Variants in TMEM51 observed in about 807,000 individuals in gnomAD.
TMEM51 encodes transmembrane protein 51, also known as chromosome 1 open reading frame 72.
Under a neutral mutation model 13.6 loss-of-function variants are expected in TMEM51, and 8 were observed. The ratio of observed to expected loss-of-function variants is 0.59; its 90% CI spans 0.35 to 1.07. The LOEUF (loss-of-function observed/expected upper bound fraction) is 1.07, where lower values mean the gene tolerates loss of function less well. Ranked by LOEUF, TMEM51 falls within the 50% of genes least tolerant of loss-of-function variation. TMEM51 has a pLI of 0.02. For synonymous variants in TMEM51, 147 were observed against 144.4 expected (o/e 1.02, Z -0.13); for missense variants, 279 against 330.7 (o/e 0.84, Z 1.21).
intron 1 of TMEM51, among the ~76,000 whole-genome samples, chr1:15,154,983 G>T (rs1642539781): frequency 6.6e-6 from 1 of 152,186 alleles, no homozygotes; most frequent in African/African-American, 2.4e-5. Context: ...CCGGCTTCTG[G>T]CTTTCCTTTT....
At chr1:15,177,314 G>A (rs1321395248) in intron 1 of TMEM51, among the ~76,000 whole-genome samples, 1 of 152,218 alleles carries the variant, frequency 6.6e-6, no homozygotes, top group Non-Finnish European at 1.5e-5. Flanking sequence ...ACCAGAGAGT[G>A]TGTGTATGTT....
chr1:15,202,307 T>C (rs1300378752), intron 1 of TMEM51, among the ~76,000 whole-genome samples: 2 of 152,192 alleles, frequency 1.3e-5, no homozygotes, highest in Admixed American at 6.5e-5. Flanking sequence ...AGGTAAACAG[T>C]CTGTGCTGGC....
At chr1:15,170,035 G>A (rs1019817993) in intron 1 of TMEM51, among the ~76,000 whole-genome samples, 1 of 152,176 alleles carries the variant, frequency 6.6e-6, no homozygotes. Context: ...GGGTGACCTT[G>A]AGCCATGGCT....
At chr1:15,196,634 A>G (rs2100295120) in intron 1 of TMEM51, among the ~76,000 whole-genome samples, 1 of 152,336 alleles carries the variant, frequency 6.6e-6, no homozygotes, top group Non-Finnish European at 1.5e-5. Context: ...CATTACAGGC[A>G]TGAACTATTG....
At chr1:15,164,918 T>C (rs1398700940) in intron 1 of TMEM51, among the ~76,000 whole-genome samples, 2 of 150,038 alleles carry the variant, frequency 1.3e-5, no homozygotes, top group Non-Finnish European at 3.0e-5. Context: ...TTCTTCTGCC[T>C]CAGCCTCCCG....
chr1:15,219,732 C>T lies in TMEM51; in HGVS notation c.751C>T (p.Pro251Ser). 1 of 1,612,880 alleles carries T rather than the reference C, an allele frequency of 6.2e-7. No individual in the cohort carries two copies. The change falls in exon 4 of 4, where the codon CCG becomes TCG. Residue 251 changes from proline to serine, a missense_variant. Transcript: ENST00000376008. ...EVQEKAPDTR[P>S]PD is the part of the protein sequence containing the mutation. ...CCAGGAGAAGGCCCCCGACACCCGG[C>T]CGCCCGACTGAATGGCCCCACTTGA...
intron 1 of TMEM51, among the ~76,000 whole-genome samples, chr1:15,187,904 A>C (rs986792416): frequency 6.6e-6 from 1 of 152,010 alleles, no homozygotes; most frequent in Non-Finnish European, 1.5e-5. Context: ...CTGAGCCCCC[A>C]CTTTGCAGCT....
intron 1 of TMEM51, among the ~76,000 whole-genome samples, chr1:15,184,316 C>T (rs112785333): frequency 1.3e-5 from 2 of 152,298 alleles, no homozygotes; most frequent in South Asian, 2.1e-4. Context: ...TGAACCACCA[C>T]GCCTGGCCTT....
chr1:15,219,699 G>A lies in TMEM51; in HGVS notation c.718G>A (p.Asp240Asn). ...IEPLTPPPQYDEVQEKAPDTR... is the reference protein window; with the variant it reads ...IEPLTPPPQYNEVQEKAPDTR... ...GCCTTTGACTCCTCCACCGCAGTAT[G>A]ATGAAGTCCAGGAGAAGGCCCCCGA... The change falls in exon 4 of 4, where the codon GAT becomes AAT. Residue 240 changes from aspartate to asparagine, a missense_variant. Asp to Asn is a conservative substitution (Grantham distance 23, BLOSUM62 1). Coordinates refer to ENST00000376008, the MANE Select transcript of TMEM51 (RefSeq NM_001136218.2). 1 of 1,613,828 alleles carries A rather than the reference G, an allele frequency of 6.2e-7. No homozygotes were observed. Among genetic ancestry groups the A allele is most frequent in the Non-Finnish European group, 8.5e-7 (1 of 1,180,028 alleles).
chr1:15,184,169 G>A (rs1643700738), intron 1 of TMEM51, among the ~76,000 whole-genome samples: 1 of 81,142 alleles, frequency 1.2e-5, no homozygotes, highest in Admixed American at 1.5e-4. Context: ...TCCCGAGTCA[G>A]GCGTGCGCCA....
chr1:15,183,677 T>C (rs1173328924), intron 1 of TMEM51, among the ~76,000 whole-genome samples: 3 of 152,200 alleles, frequency 2.0e-5, no homozygotes, highest in Non-Finnish European at 2.9e-5. Flanking sequence ...TCTGCCTTCA[T>C]AGAGCTTACA....
chr1:15,202,563 C>T (rs1305134675), intron 1 of TMEM51, among the ~76,000 whole-genome samples: 1 of 152,104 alleles, frequency 6.6e-6, no homozygotes, highest in Admixed American at 6.5e-5. Flanking sequence ...CCTGGAGGCA[C>T]CTGCATCCCT....
intron 3 of TMEM51, among the ~76,000 whole-genome samples, chr1:15,218,604 C>T (rs2100368490): frequency 6.6e-6 from 1 of 152,200 alleles, no homozygotes; most frequent in Middle Eastern, 3.4e-3. Flanking sequence ...ACCCTGCTGA[C>T]CAAAACAGGA....
At chr1:15,211,873 A>T (rs1425169830) in intron 2 of TMEM51, among the ~76,000 whole-genome samples, 1 of 136,636 alleles carries the variant, frequency 7.3e-6, no homozygotes, top group East Asian at 2.3e-4. Context: ...ATAAAAATAC[A>T]CTGTCTCTTT....
Position 15,207,944 on chromosome 1 carries a change from A to G in TMEM51, c.-266-2546A>G, listed in dbSNP as rs1644279230. ...TCTCCCCTTCAGGCTTGGACTGGGA[A>G]TTTCCCCTCATTGATATGAGACATT... On this transcript the variant is annotated intron_variant, in intron 1 of 3. Transcript: ENST00000376008. This position sits in a 1 kb window ranked among gnomAD's most constrained non-coding sequence, Gnocchi z 4.6. 1.3e-5 allele frequency among the ~76,000 whole-genome samples: 2 copies of G among 152,296 alleles called. No individual in the cohort carries two copies. Among genetic ancestry groups the G allele is most frequent in the South Asian group, 4.2e-4 (2 of 4,814 alleles).
At chr1:15,203,430 T>A (rs185999244) in intron 1 of TMEM51, among the ~76,000 whole-genome samples, 1 of 99,600 alleles carries the variant, frequency 1.0e-5, no homozygotes, top group Non-Finnish European at 2.0e-5. Flanking sequence ...AATTTTTGTA[T>A]TTTTTTTTTT....
At chr1:15,181,281 GTCATCTGCGAGGTCAC>G (rs1557841207) in intron 1 of TMEM51, among the ~76,000 whole-genome samples, 1 of 152,192 alleles carries the variant, frequency 6.6e-6, no homozygotes, top group African/African-American at 2.4e-5. Flanking sequence ...GATATTTGCT[GTCATCTGCGAGGTCAC>G]TCACCTGTCT....
At chr1:15,189,348 G>A (rs1025585853) in intron 1 of TMEM51, among the ~76,000 whole-genome samples, 2 of 149,868 alleles carry the variant, frequency 1.3e-5, no homozygotes, top group African/African-American at 2.5e-5. Flanking sequence ...GAGCTACCTC[G>A]CCCAGCCATT....
At position 15,219,848 on chromosome 1, in the gene TMEM51, T is replaced by C. The variant is rs1422727051; in HGVS notation, c.*105T>C. 1.5e-6 allele frequency: 2 copies of C among 1,335,396 alleles called. No individual in the cohort carries two copies. The highest frequency in any genetic ancestry group is 4.5e-5 in the Admixed American group (2 of 44,380). 82.7% of individuals were successfully genotyped at this position (1,335,396 alleles called of 1,614,324 possible). On this transcript the variant is annotated 3_prime_UTR_variant, in exon 4 of 4. Transcript: ENST00000376008. ...AGTTGAGAAGCGGAGGGGCCAGCTG[T>C]GCATGGAGCCATTTGGATGGCGGCG...
Sources: allele counts gnomAD v4.1 joint callset (sites outside exome capture counted in the v4.1 genomes callset), GRCh38; gene constraint gnomAD v4.1.1; non-coding constraint Gnocchi (gnomAD v3.1); transcripts MANE v1.5; gene names NCBI Gene and HGNC (gene_info 2026-07-23, HGNC 2026-07-21).